AGAP3: variants seen among roughly 807,000 people sequenced by gnomAD.
AGAP3 encodes arf-GAP with GTPase, ANK repeat and PH domain-containing protein 3.
In AGAP3, 24 loss-of-function variants were observed where a neutral mutation model predicts 96.9. That is an observed-to-expected ratio of 0.25 (90% CI 0.18 to 0.35). The LOEUF (loss-of-function observed/expected upper bound fraction) is 0.35, where lower values mean the gene tolerates loss of function less well. Ranked by LOEUF, AGAP3 falls within the 10% of genes least tolerant of loss-of-function variation. The pLI is 1.00. For synonymous variants in AGAP3, 563 were observed against 536.1 expected (o/e 1.05, Z -0.69); for missense variants, 876 against 1,254.2 (o/e 0.70, Z 4.55).
At chr7:151,097,781 G>T (rs772876611) in intron 1 of AGAP3, among the ~76,000 whole-genome samples, 3 of 152,022 alleles carry the variant, frequency 2.0e-5, no homozygotes, top group Non-Finnish European at 4.4e-5. Flanking sequence ...CTCCCACCAG[G>T]CCCCACCTCT....
In AGAP3 at chr7:151,142,370, G is replaced by A. The variant is rs376317958; in HGVS notation, c.2051-42G>A. Reference sequence around the variant, plus strand: ...TCCCTAGTTGTCCCGCGCTCTGGTGGCCTGCCTGCTGTCGCTGTATCATTC... The same window carrying A: ...TCCCTAGTTGTCCCGCGCTCTGGTGACCTGCCTGCTGTCGCTGTATCATTC... On this transcript the variant is annotated intron_variant, in intron 15 of 17. Coordinates refer to ENST00000397238, the MANE Select transcript of AGAP3 (RefSeq NM_031946.7). The surrounding 1 kb of genome is among the most constrained non-coding windows in gnomAD (Gnocchi z 7.5). 6.2e-6 allele frequency: 10 copies of A among 1,602,088 alleles called. No individual in the cohort carries two copies. In the South Asian group the frequency reaches 7.7e-5, roughly 12 times the overall value.
At chr7:151,113,992 C>T (rs1293909117) in intron 1 of AGAP3, among the ~76,000 whole-genome samples, 1 of 152,190 alleles carries the variant, frequency 6.6e-6, no homozygotes, top group Non-Finnish European at 1.5e-5. Flanking sequence ...TGGAGAGGTC[C>T]GGGCCTCAGA....
At chr7:151,093,596 CCTT>C (rs1255601414) in intron 1 of AGAP3, among the ~76,000 whole-genome samples, 1 of 152,176 alleles carries the variant, frequency 6.6e-6, no homozygotes, top group African/African-American at 2.4e-5. Flanking sequence ...GGATGTGCAT[CCTT>C]CTGGTCTTTT....
intron 1 of AGAP3, chr7:151,115,595 G>A (rs1282836495): frequency 4.3e-6 from 5 of 1,167,372 alleles, no homozygotes; most frequent in East Asian, 3.9e-5. Context: ...CGCCGCTGTG[G>A]GGCCGTCGGG....
At chr7:151,116,024 G>C (rs1181691444) in intron 1 of AGAP3, among the ~76,000 whole-genome samples, 1 of 152,222 alleles carries the variant, frequency 6.6e-6, no homozygotes, top group South Asian at 2.1e-4. Context: ...CAGTGCCTCT[G>C]GGAGCCAGGG....
intron 1 of AGAP3, 111 bp downstream of exon 1, chr7:151,087,183 C>A: frequency 8.6e-7 from 1 of 1,161,748 alleles, no homozygotes; most frequent in Non-Finnish European, 1.2e-6. Flanking sequence ...GGTCCTTGCG[C>A]GCTTGAGGAC....
rs1799688672 is a variant in AGAP3, at chr7:151,118,202, T to G, written c.707-8T>G. ...GCTGAATGACTCCCGCCCTCCCACC[T>G]CCAACAGATGCCATCAGCGCTGCGA... is the stretch of plus-strand genomic sequence containing the variant. On this transcript the variant is annotated splice_polypyrimidine_tract_variant and splice_region_variant and intron_variant, in intron 5 of 17. Transcript: ENST00000397238. The surrounding 1 kb of genome is among the most constrained non-coding windows in gnomAD (Gnocchi z 6.1). 2 of 1,601,894 alleles carry G rather than the reference T, an allele frequency of 1.2e-6. No individual in the cohort carries two copies. Among genetic ancestry groups the G allele is most frequent in the Middle Eastern group, 1.7e-4 (1 of 6,016 alleles).
At chr7:151,138,996 T>A (rs556204083) in intron 12 of AGAP3, among the ~76,000 whole-genome samples, 17 of 152,358 alleles carry the variant, frequency 1.1e-4, no homozygotes, top group Middle Eastern at 3.4e-3. Flanking sequence ...TCTGCTTTTC[T>A]TCTTTTGACC....
chr7:151,119,728 T>G (rs1320105284), intron 7 of AGAP3, among the ~76,000 whole-genome samples: 1 of 152,182 alleles, frequency 6.6e-6, no homozygotes, highest in East Asian at 1.9e-4. Flanking sequence ...GCTCCCTGGT[T>G]GGCCAGAAGC....
intron 9 of AGAP3, among the ~76,000 whole-genome samples, chr7:151,125,263 A>G (rs1357322828): frequency 4.6e-5 from 7 of 152,312 alleles, no homozygotes; most frequent in Admixed American, 1.3e-4. Flanking sequence ...AAATGGGACC[A>G]CTTTCCTTGG....
chr7:151,129,454 A>G (rs1584772092), intron 10 of AGAP3, among the ~76,000 whole-genome samples: 1 of 152,052 alleles, frequency 6.6e-6, no homozygotes, highest in Non-Finnish European at 1.5e-5. Context: ...CCCAGGCCCG[A>G]GAGCACCGCC....
In AGAP3 at chr7:151,134,459, G is replaced by T. The variant is rs761427127; in HGVS notation, c.1386G>T (p.Val462=). Residue 462 remains valine (V), a synonymous_variant, in exon 11 of 18, where the codon GTG becomes GTT. Transcript: ENST00000397238. ...EIDLLRTTVK[V]PGKRLPRATP... ...ACCTGCTGCGGACAACGGTGAAAGT[G>T]CCAGGGAAGCGCCTGCCCCGAGCCA... 6.2e-7 allele frequency: 1 copy of T among 1,613,238 alleles called. No homozygotes were observed. Among genetic ancestry groups the T allele is most frequent in the Admixed American group, 1.7e-5 (1 of 60,020 alleles).
rs778159808 is a variant in AGAP3, at chr7:151,116,839, G to A, written c.378G>A (p.Pro126=). Residue 126 remains proline (P), a synonymous_variant, in exon 2 of 18, where the codon CCG becomes CCA. Transcript: ENST00000397238. The part of the protein sequence containing the change: ...SQEWTLSRSV[P]ELKVGIVGNL... ...AGTGGACGCTGAGCCGCTCCGTACCGGAGCTTAAAGTGGTGAGTGTGGCCC... is the reference window on the plus strand; with the variant it reads ...AGTGGACGCTGAGCCGCTCCGTACCAGAGCTTAAAGTGGTGAGTGTGGCCC... The A allele has an allele frequency of 1.9e-5, 31 of 1,614,018 alleles. No individual in the cohort carries two copies. The highest frequency in any genetic ancestry group is 1.6e-4 in the Middle Eastern group (1 of 6,084).
intron 1 of AGAP3, among the ~76,000 whole-genome samples, chr7:151,113,374 C>T (rs1240804327): frequency 4.6e-5 from 7 of 151,716 alleles, no homozygotes; most frequent in Non-Finnish European, 1.0e-4. Flanking sequence ...CAGGGCCTCT[C>T]CAGGCCTGGG....
At position 151,128,491 on chromosome 7, in the gene AGAP3, G is replaced by A; in HGVS notation, c.1222-89G>A. The A allele has an allele frequency of 2.9e-6, 3 of 1,035,442 alleles. No individual in the cohort carries two copies. The South Asian group carries it at 4.1e-5, about 14-fold the overall frequency. 64.1% of individuals were successfully genotyped at this position (1,035,442 alleles called of 1,614,324 possible). A position where few individuals can be genotyped will look rare whatever the true frequency, so the allele number is the denominator to read the frequency against. On this transcript the variant is annotated intron_variant, in intron 9 of 17. Transcript: ENST00000397238. ...TGGCCCAGGAGAAGCGGGGAGGGGG[G>A]AGGGCATTGCCTGACGACATCGTGA... is the stretch of plus-strand genomic sequence containing the variant.
In AGAP3 at chr7:151,142,191, T is replaced by A. The variant is rs943670589; in HGVS notation, c.1988T>A (p.Leu663Gln). Reference sequence around the variant, plus strand: ...CGACTGGGGAACCAGAACGCAGCTCTGGCTGTGCAGGCCGTCCGCACCGTC... The same window carrying A: ...CGACTGGGGAACCAGAACGCAGCTCAGGCTGTGCAGGCCGTCCGCACCGTC... ...KTRLGNQNAA[L>Q]AVQAVRTVRG... Residue 663 changes from leucine to glutamine, a missense_variant, in exon 15 of 18, where the codon CTG (leucine) becomes CAG (glutamine). Physicochemically the swap from Leu to Gln is moderately radical, Grantham distance 113 (BLOSUM62 -2). Coordinates refer to ENST00000397238, the MANE Select transcript of AGAP3 (RefSeq NM_031946.7). This position sits in a 1 kb window ranked among gnomAD's most constrained non-coding sequence, Gnocchi z 7.5. 4 of 1,613,736 alleles carry A rather than the reference T, an allele frequency of 2.5e-6. No individual in the cohort carries two copies. Among genetic ancestry groups the A allele is most frequent in the Non-Finnish European group, 3.4e-6 (4 of 1,179,976 alleles).
intron 1 of AGAP3, among the ~76,000 whole-genome samples, chr7:151,103,128 G>T (rs781726837): frequency 6.6e-6 from 1 of 152,208 alleles, no homozygotes; most frequent in East Asian, 1.9e-4. Context: ...GTGTGCTTAC[G>T]TGCCCTTCTC....
Position 151,118,241 on chromosome 7 carries a change from C to A in AGAP3, c.738C>A (p.Ile246=), listed in dbSNP as rs1395917213. Residue 246 remains isoleucine, a synonymous_variant, in exon 6 of 18, where the codon ATC becomes ATA. Coordinates refer to ENST00000397238, the MANE Select transcript of AGAP3 (RefSeq NM_031946.7). The surrounding 1 kb of genome is among the most constrained non-coding windows in gnomAD (Gnocchi z 6.1). ...TCAGCGCTGCGAATCCCCGGGTTAT[C>A]GACGACAGCAGAGCCCGCAAGCTCT... ...DAISAANPRV[I]DDSRARKLST... is the part of the protein sequence containing the mutation. 2.5e-6 allele frequency: 4 copies of A among 1,612,214 alleles called. No homozygotes were observed. Among genetic ancestry groups the A allele is most frequent in the Non-Finnish European group, 3.4e-6 (4 of 1,178,444 alleles).
At chr7:151,131,603 A>G (rs1413407026) in intron 10 of AGAP3, among the ~76,000 whole-genome samples, 1 of 152,146 alleles carries the variant, frequency 6.6e-6, no homozygotes, top group Non-Finnish European at 1.5e-5. Flanking sequence ...CTCTGGGCCC[A>G]GGCTCCAGGG....
Sources: gnomAD v4.1 joint callset for allele counts (sites outside exome capture counted in the v4.1 genomes callset) on GRCh38, gnomAD v4.1.1 for gene constraint, Gnocchi (gnomAD v3.1) non-coding constraint, MANE v1.5 for transcripts, NCBI Gene and HGNC (gene_info 2026-07-23, HGNC 2026-07-21) for gene names.